Variants in GRM8 observed in about 807,000 individuals in gnomAD.
GRM8 encodes metabotropic glutamate receptor 8.
Under a neutral mutation model 87.2 loss-of-function variants are expected in GRM8, and 47 were observed. That is an observed-to-expected ratio of 0.54 (90% CI 0.43 to 0.69). The LOEUF is 0.69. Among genes scored for constraint, GRM8 ranks in the 30% least tolerant of loss-of-function variants. The pLI is 0.00. For missense variants in GRM8, 1,019 were observed against 1,139.2 expected (o/e 0.89, Z 1.52); for synonymous variants, 396 against 404.5 (o/e 0.98, Z 0.25).
At chr7:126,796,865 G>C (rs763918263) in intron 6 of GRM8, among the ~76,000 whole-genome samples, 4 of 151,952 alleles carry the variant, frequency 2.6e-5, no homozygotes, top group African/African-American at 4.8e-5. Flanking sequence ...CTCAATTCTA[G>C]GCATTATAAA....
chr7:126,966,036 GCA>G (rs1176934042), intron 3 of GRM8, among the ~76,000 whole-genome samples: 2 of 151,938 alleles, frequency 1.3e-5, no homozygotes, highest in Non-Finnish European at 2.9e-5. Flanking sequence ...AGAAGAAATA[GCA>G]CTCTCTAAAA....
At chr7:126,468,536 T>C (rs1354731153) in intron 9 of GRM8, among the ~76,000 whole-genome samples, 1 of 152,082 alleles carries the variant, frequency 6.6e-6, no homozygotes, top group Non-Finnish European at 1.5e-5. Flanking sequence ...TCCTACAATT[T>C]CCTGTGATAC....
intron 2 of GRM8, among the ~76,000 whole-genome samples, chr7:127,201,666 TGTG>T (rs1347785619): frequency 6.6e-6 from 1 of 152,162 alleles, no homozygotes; most frequent in Non-Finnish European, 1.5e-5. Context: ...GAGGAAGAAT[TGTG>T]GTGGTAAGAA....
At chr7:126,766,451 A>T (rs569977040) in intron 7 of GRM8, among the ~76,000 whole-genome samples, 1 of 152,274 alleles carries the variant, frequency 6.6e-6, no homozygotes, top group South Asian at 2.1e-4. Flanking sequence ...AAACATTGGG[A>T]TAGCCACTAT....
At chr7:126,903,735 GTATATATATATGTATA>G (rs1586394342) in intron 5 of GRM8, among the ~76,000 whole-genome samples, 6 of 125,288 alleles carry the variant, frequency 4.8e-5, no homozygotes, top group South Asian at 2.5e-4. Flanking sequence ...ATGTATATGT[GTATATATATATGTATA>G]TGTGTATATA....
At chr7:127,171,475 A>G (rs1793798372) in intron 2 of GRM8, among the ~76,000 whole-genome samples, 1 of 152,232 alleles carries the variant, frequency 6.6e-6, no homozygotes, top group African/African-American at 2.4e-5. Flanking sequence ...TTGATGGGGC[A>G]AACGTCATTG....
chr7:126,456,466 C>A (rs1280650965), intron 9 of GRM8, among the ~76,000 whole-genome samples: 1 of 126,172 alleles, frequency 7.9e-6, no homozygotes, highest in Admixed American at 9.1e-5. Flanking sequence ...TATTTTATAC[C>A]TTTTTTTTCC....
At chr7:126,728,918 G>T (rs961794019) in intron 7 of GRM8, among the ~76,000 whole-genome samples, 1 of 152,136 alleles carries the variant, frequency 6.6e-6, no homozygotes, top group Admixed American at 6.6e-5. Context: ...TCTTTCCTGA[G>T]ATAATCGCTA....
chr7:126,477,830 A>G (rs1806177033), intron 9 of GRM8, among the ~76,000 whole-genome samples: 1 of 152,124 alleles, frequency 6.6e-6, no homozygotes, highest in Admixed American at 6.6e-5. Context: ...ATTCACACAA[A>G]CTGGGTGGAT....
intron 7 of GRM8, among the ~76,000 whole-genome samples, chr7:126,727,009 T>C (rs1161204468): frequency 6.6e-6 from 1 of 152,084 alleles, no homozygotes; most frequent in East Asian, 1.9e-4. Context: ...TATATCATAG[T>C]TCTCAATTAG....
At chr7:126,845,636 A>G (rs1461136219) in intron 6 of GRM8, among the ~76,000 whole-genome samples, 2 of 152,248 alleles carry the variant, frequency 1.3e-5, no homozygotes, top group Non-Finnish European at 2.9e-5. Context: ...AGTCAAGTCA[A>G]AAAAGCATAT....
chr7:126,695,508 G>T (rs1035664155), intron 7 of GRM8, among the ~76,000 whole-genome samples: 4 of 152,088 alleles, frequency 2.6e-5, no homozygotes, highest in Non-Finnish European at 5.9e-5. Flanking sequence ...TGTGCCCTAT[G>T]AATTGAGTTT....
intron 8 of GRM8, among the ~76,000 whole-genome samples, chr7:126,596,122 T>A (rs1797165407): frequency 6.6e-6 from 1 of 152,160 alleles, no homozygotes; most frequent in African/African-American, 2.4e-5. Flanking sequence ...AGACTCTGAA[T>A]CAAACAAAAA....
At chr7:126,599,688 G>C (rs1797549733) in intron 8 of GRM8, among the ~76,000 whole-genome samples, 1 of 152,076 alleles carries the variant, frequency 6.6e-6, no homozygotes, top group Admixed American at 6.6e-5. Flanking sequence ...TCAGCCTCCA[G>C]ACCAAGAGAG....
At chr7:127,021,840 G>A (rs147219067) in intron 3 of GRM8, among the ~76,000 whole-genome samples, 175 of 152,166 alleles carry the variant, frequency 1.2e-3, no homozygotes, top group African/African-American at 4.1e-3. Context: ...ATTCAGATTA[G>A]AAAGGATACT....
intron 6 of GRM8, among the ~76,000 whole-genome samples, chr7:126,816,004 T>A (rs555352996): frequency 1.0e-4 from 15 of 150,388 alleles, no homozygotes; most frequent in African/African-American, 2.4e-4. Flanking sequence ...GGCCAGATTT[T>A]TATATATATA....
intron 7 of GRM8, among the ~76,000 whole-genome samples, chr7:126,639,777 A>C (rs35248039): frequency 0.062 from 9,445 of 152,320 alleles, 566 homozygotes; most frequent in East Asian, 0.31. Context: ...GATTTTCATT[A>C]GCCAGTTCTG....
intron 3 of GRM8, among the ~76,000 whole-genome samples, chr7:126,938,675 G>T (rs1396434727): frequency 1.3e-5 from 2 of 152,056 alleles, no homozygotes; most frequent in Non-Finnish European, 2.9e-5. Context: ...CTTAAAAAAA[G>T]AATTGTAAAA....
In GRM8 at chr7:126,814,021, A is replaced by C. The variant is rs183497247; in HGVS notation, c.1157-43956T>G. ...GACGTGAGCCTCCTTTGGGAGGCCA[A>C]AGTTATTTCCACCAGCACTTATGGC... On this transcript the variant is annotated intron_variant, in intron 6 of 10. Transcript: ENST00000339582. 4.6e-5 allele frequency among the ~76,000 whole-genome samples: 7 copies of C among 152,174 alleles called. No individual in the cohort carries two copies. In the East Asian group the frequency reaches 1.4e-3, roughly 29 times the overall value.
Sources: allele counts gnomAD v4.1 joint callset (sites outside exome capture counted in the v4.1 genomes callset), GRCh38; gene constraint gnomAD v4.1.1; transcripts MANE v1.5; gene names NCBI Gene and HGNC (gene_info 2026-07-23, HGNC 2026-07-21).